Variants in ESYT1 observed in about 807,000 individuals in gnomAD.
The protein encoded by ESYT1 is extended synaptotagmin 1, also known as extended synaptotagmin-1.
A neutral mutation model predicts 154.2 loss-of-function variants in ESYT1; 116 were observed. The ratio of observed to expected loss-of-function variants is 0.75; its 90% CI spans 0.65 to 0.88. The LOEUF is 0.88. Ranked by LOEUF, ESYT1 falls within the 40% of genes least tolerant of loss-of-function variation. The probability of loss-of-function intolerance (pLI) is 0.00; values close to 1 mark genes in which losing one functional copy is unlikely to be tolerated. For missense variants in ESYT1, 1,264 were observed against 1,379.3 expected (o/e 0.92, Z 1.32); for synonymous variants, 500 against 539.9 (o/e 0.93, Z 1.02).
intron 22 of ESYT1, 111 bp from the exon 23 acceptor site, chr12:56,138,657 G>A: frequency 1.5e-6 from 2 of 1,308,262 alleles, no homozygotes; most frequent in Non-Finnish European, 2.2e-6. Flanking sequence ...GCCACGGGTA[G>A]TGGCTGCCAA....
rs1232870667 is a variant in ESYT1, at chr12:56,138,474, A to G, written c.2408A>G (p.Tyr803Cys). The G allele has an allele frequency of 1.2e-6, 2 of 1,611,322 alleles. No individual in the cohort carries two copies. Among genetic ancestry groups the G allele is most frequent in the Admixed American group, 1.7e-5 (1 of 59,694 alleles). The change falls in exon 22 of 31, where the codon TAT becomes TGT. Residue 803 changes from tyrosine (Y) to cysteine (C), a missense_variant. By Grantham distance (194) the Tyr-to-Cys change is radical. Transcript: ENST00000394048. The part of the protein sequence containing the change: ...AELAAALLSI[Y>C]MERAEDLPLR... ...CTGGCTGCGGCCCTGCTATCCATCT[A>G]TATGGAGCGGGCAGAGGACCTCCCG... is the stretch of plus-strand genomic sequence containing the variant.
intron 15 of ESYT1, 77 bp downstream of exon 15, chr12:56,134,505 T>C (rs890105953): frequency 3.2e-6 from 4 of 1,234,716 alleles, no homozygotes; most frequent in Non-Finnish European, 4.8e-6. Context: ...CTCCTCTCCT[T>C]CTTTTCCCTT....
chr12:56,138,887 A>G, intron 23 of ESYT1, 40 bp from the exon 24 acceptor site: 1 of 1,611,890 alleles, frequency 6.2e-7, no homozygotes, highest in Non-Finnish European at 8.5e-7. Context: ...AAGAGAAATA[A>G]GAGTATCAGC....
In ESYT1 at chr12:56,142,037, G is replaced by A. The variant is rs919211595; in HGVS notation, c.2593-248G>A. Among the ~76,000 whole-genome samples, 4 of 151,436 alleles carry A rather than the reference G, an allele frequency of 2.6e-5. No homozygotes were observed. Among genetic ancestry groups the A allele is most frequent in the Non-Finnish European group, 4.4e-5 (3 of 67,874 alleles). ...CGCTTGAACCTGGGAGGCGGAGGTTGCGGTGAGACCAGATCACGCCATGCA... is the reference window on the plus strand; with the variant it reads ...CGCTTGAACCTGGGAGGCGGAGGTTACGGTGAGACCAGATCACGCCATGCA... On this transcript the variant is annotated intron_variant, in intron 24 of 30. Transcript: ENST00000394048. The surrounding 1 kb of genome is among the most constrained non-coding windows in gnomAD (Gnocchi z 4.1).
chr12:56,138,438 A>G lies in ESYT1; in HGVS notation c.2372A>G (p.Lys791Arg). 2 of 1,613,552 alleles carry G rather than the reference A, an allele frequency of 1.2e-6. No individual in the cohort carries two copies. Among genetic ancestry groups the G allele is most frequent in the Admixed American group, 1.7e-5 (1 of 59,938 alleles). ...LQVNSLIQTQ[K>R]SAELAAALLS... The stretch of plus-strand genomic sequence containing the variant: ...GTGAATAGTTTGATCCAGACTCAGA[A>G]GAGTGCGGAGCTGGCTGCGGCCCTG... Residue 791 changes from lysine (K) to arginine (R), a missense_variant, in exon 22 of 31, where the codon AAG becomes AGG. By Grantham distance (26) the Lys-to-Arg change is conservative. Transcript: ENST00000394048.
In ESYT1 at chr12:56,131,091, A is replaced by T; in HGVS notation, c.619A>T (p.Ile207Phe). The T allele has an allele frequency of 6.2e-7, 1 of 1,614,144 alleles. No homozygotes were observed. ...TCACCCAGGTCAGAGAAAAGAGCAG[A>T]TCCTGCTGGACTTGAACATCAGGTA... ...KVHPGQRKEQILLDLNISYVG... is the reference protein window; with the variant it reads ...KVHPGQRKEQFLLDLNISYVG... The change falls in exon 4 of 31, where the codon ATC becomes TTC. Residue 207 changes from isoleucine (I) to phenylalanine (F), a missense_variant. Coordinates refer to ENST00000394048, the MANE Select transcript of ESYT1 (RefSeq NM_015292.3).
chr12:56,137,987 T>C, intron 19 of ESYT1, 39 bp from the exon 20 acceptor site: 1 of 1,613,956 alleles, frequency 6.2e-7, no homozygotes. Context: ...TCCTTGGTTC[T>C]CACCATCTAG....
At chr12:56,132,679 C>T (rs372809405) in intron 9 of ESYT1, 40 bp from the exon 10 acceptor site, 3 of 1,613,360 alleles carry the variant, frequency 1.9e-6, no homozygotes, top group Non-Finnish European at 2.5e-6. Flanking sequence ...ATCCTCACAG[C>T]TGCAGCCCCA....
At chr12:56,137,030 A>G in intron 16 of ESYT1, 137 bp downstream of exon 16, 2 of 1,311,400 alleles carry the variant, frequency 1.5e-6, no homozygotes, top group South Asian at 1.4e-5. Context: ...AAAAACATAT[A>G]TTGATCTGAC....
rs772606264 is a variant in ESYT1, at chr12:56,142,570, G to T, written c.2734-8G>T. On this transcript the variant is annotated splice_polypyrimidine_tract_variant and splice_region_variant and intron_variant, in intron 25 of 30. Coordinates refer to ENST00000394048, the MANE Select transcript of ESYT1 (RefSeq NM_015292.3). The surrounding 1 kb of genome is among the most constrained non-coding windows in gnomAD (Gnocchi z 4.1). The stretch of plus-strand genomic sequence containing the variant: ...ACTCTGCCCAGCTCACAGCTTTCTT[G>T]CCCCTAGATCCTGGTGTCCCAGCAC... 12 of 1,614,086 alleles carry T rather than the reference G, an allele frequency of 7.4e-6. No individual in the cohort carries two copies. The South Asian group carries it at 1.3e-4, about 18-fold the overall frequency.
rs570554837 is a variant in ESYT1 at position 56,130,464 on chromosome 12, C to T, written c.391-118C>T. ...GGGGCATCCTCGCCCCTCGCCCACC[C>T]TGAGTGTGAGGAGTCACACACACTC... On this transcript the variant is annotated intron_variant, in intron 1 of 30. Coordinates refer to ENST00000394048, the MANE Select transcript of ESYT1 (RefSeq NM_015292.3). 13 of 1,262,530 alleles carry T rather than the reference C, an allele frequency of 1.0e-5. No individual in the cohort carries two copies. The African/African-American group carries it at 1.2e-4, about 11-fold the overall frequency. 78.2% of individuals were successfully genotyped at this position (1,262,530 alleles called of 1,614,324 possible). A position where few individuals can be genotyped will look rare whatever the true frequency, so the allele number is the denominator to read the frequency against.
At chr12:56,139,534 G>T (rs925356464) in intron 24 of ESYT1, among the ~76,000 whole-genome samples, 27 of 151,960 alleles carry the variant, frequency 1.8e-4, no homozygotes, top group Admixed American at 1.4e-3. Flanking sequence ...AAGGGTTCAG[G>T]CTGGGGAAAG....
chr12:56,138,267 G>A lies in ESYT1; in HGVS notation c.2332G>A (p.Glu778Lys). 6.2e-7 allele frequency: 1 copy of A among 1,614,224 alleles called. No individual in the cohort carries two copies. Among genetic ancestry groups the A allele is most frequent in the Non-Finnish European group, 8.5e-7 (1 of 1,180,034 alleles). Residue 778 changes from glutamate (E) to lysine (K), a missense_variant, in exon 21 of 31, where the codon GAG (glutamate) becomes AAG (lysine). By Grantham distance (56) the Glu-to-Lys change is moderately conservative (BLOSUM62 1). Coordinates refer to ENST00000394048, the MANE Select transcript of ESYT1 (RefSeq NM_015292.3). ...LTPRPTAAEL[E>K]EVLQVNSLIQ... ...CCCCCGTCCCACTGCTGCTGAGTTA[G>A]AGGAGGTAGGGCAGGAGACTTGAGG...
At position 56,132,200 on chromosome 12, in the gene ESYT1, C is replaced by A. The variant is rs771860270; in HGVS notation, c.861-9C>A. The A allele has an allele frequency of 1.9e-6, 3 of 1,614,152 alleles. No homozygotes were observed. The highest frequency in any genetic ancestry group is 2.5e-6 in the Non-Finnish European group (3 of 1,180,022). ...GGCCATACCCACTCCTTTCTACTCCCCCATTCAGCTCACTCTCTGACACCA... is the reference window on the plus strand; with the variant it reads ...GGCCATACCCACTCCTTTCTACTCCACCATTCAGCTCACTCTCTGACACCA... On this transcript the variant is annotated splice_polypyrimidine_tract_variant and intron_variant, in intron 7 of 30. Transcript: ENST00000394048.
intron 21 of ESYT1, 31 bp from the exon 22 acceptor site, chr12:56,138,373 C>T: frequency 6.2e-7 from 1 of 1,612,244 alleles, no homozygotes; most frequent in Non-Finnish European, 8.5e-7. Flanking sequence ...GTGTCAGTTA[C>T]CACTCCCCAG....
In ESYT1 at chr12:56,137,557, T is replaced by TG. The variant is rs1334405627; in HGVS notation, c.2003dup (p.Leu669ThrfsTer34). 2.5e-6 allele frequency: 4 copies of TG among 1,614,066 alleles called. No individual in the cohort carries two copies. Among genetic ancestry groups the TG allele is most frequent in the African/African-American group, 1.3e-5 (1 of 74,928 alleles). ...GACCTGATTGCCAAAGACCGTTTCT[T>TG]GGGGGGACTGGTGAAGGGCAAGTCA... On this transcript the variant is annotated frameshift_variant, in exon 18 of 31. Transcript: ENST00000394048. LOFTEE classifies it high-confidence loss of function.
intron 16 of ESYT1, 82 bp downstream of exon 16, chr12:56,136,975 C>T: frequency 6.7e-7 from 1 of 1,488,180 alleles, no homozygotes; most frequent in Non-Finnish European, 9.0e-7. Context: ...AGGGACCCCC[C>T]TAAGATTAAA....
In ESYT1 at chr12:56,142,512, G is replaced by A. The variant is rs1052740886; in HGVS notation, c.2734-66G>A. On this transcript the variant is annotated intron_variant, in intron 25 of 30. Coordinates refer to ENST00000394048, the MANE Select transcript of ESYT1 (RefSeq NM_015292.3). The surrounding 1 kb of genome is among the most constrained non-coding windows in gnomAD (Gnocchi z 4.1). Reference sequence around the variant, plus strand: ...GGACACCCAGGAGGGTGGGAACAGAGGGCCGTGTCCTTAGAGTGAGGGAAC... The same window carrying A: ...GGACACCCAGGAGGGTGGGAACAGAAGGCCGTGTCCTTAGAGTGAGGGAAC... 1.2e-6 allele frequency: 2 copies of A among 1,610,698 alleles called. No homozygotes were observed. The highest frequency in any genetic ancestry group is 1.3e-5 in the African/African-American group (1 of 74,874).
In ESYT1 at chr12:56,133,865, G is replaced by C. The variant is rs746021986; in HGVS notation, c.1465G>C (p.Asp489His). The C allele has an allele frequency of 6.2e-7, 1 of 1,614,050 alleles. No homozygotes were observed. The highest frequency in any genetic ancestry group is 8.5e-7 in the Non-Finnish European group (1 of 1,180,016). Residue 489 changes from aspartate (D) to histidine (H), a missense_variant, in exon 13 of 31, where the codon GAT (aspartate) becomes CAT (histidine). Coordinates refer to ENST00000394048, the MANE Select transcript of ESYT1 (RefSeq NM_015292.3). ...ILVVYLDRAQ[D>H]LPLKKGNKEP... Reference sequence around the variant, plus strand: ...AGTTGTCTACCTGGATCGGGCCCAGGATCTTCCTGTGAGTTTGGCTGGGTG... The same window carrying C: ...AGTTGTCTACCTGGATCGGGCCCAGCATCTTCCTGTGAGTTTGGCTGGGTG...
Sources: allele counts gnomAD v4.1 joint callset (sites outside exome capture counted in the v4.1 genomes callset), GRCh38; gene constraint gnomAD v4.1.1; non-coding constraint Gnocchi (gnomAD v3.1); transcripts MANE v1.5; gene names NCBI Gene and HGNC (gene_info 2026-07-23, HGNC 2026-07-21).